Variants in PFKFB4 observed in about 807,000 individuals in gnomAD.
PFKFB4 encodes the protein 6-phosphofructo-2-kinase/fructose-2,6-biphosphatase 4.
PFKFB4 carries 42 observed loss-of-function variants against 62.8 expected under a neutral mutation model. The ratio of observed to expected loss-of-function variants is 0.67; its 90% CI spans 0.52 to 0.86. The LOEUF (loss-of-function observed/expected upper bound fraction) is 0.86, where lower values mean the gene tolerates loss of function less well. PFKFB4 is among the 40% of genes least tolerant of loss of function. The probability of loss-of-function intolerance (pLI) is 0.00; values close to 1 mark genes in which losing one functional copy is unlikely to be tolerated. For missense variants in PFKFB4, 475 were observed against 627.2 expected, an observed-to-expected ratio of 0.76 and a Z score of 2.59; for synonymous variants, 204 against 240.7, an observed-to-expected ratio of 0.85 and a Z score of 1.41.
Position 48,521,029 on chromosome 3 carries a change from C to A in PFKFB4, c.1350+957G>T, listed in dbSNP as rs1418134520. 6.6e-6 allele frequency among the ~76,000 whole-genome samples: 1 copy of A among 152,184 alleles called. No individual in the cohort carries two copies. The highest frequency in any genetic ancestry group is 1.5e-5 in the Non-Finnish European group (1 of 68,038). On this transcript the variant is annotated intron_variant, in intron 13 of 13. Transcript: ENST00000232375. This position sits in a 1 kb window ranked among gnomAD's most constrained non-coding sequence, Gnocchi z 5.3. ...CTTGGCCAAGACATGCACGAACTAT[C>A]AGAGCAATGGGAAGAGAGGCCTGCA...
At chr3:48,553,992 G>A (rs955575422) in intron 1 of PFKFB4, among the ~76,000 whole-genome samples, 4 of 152,140 alleles carry the variant, frequency 2.6e-5, no homozygotes, top group Non-Finnish European at 5.9e-5. Context: ...GGAGGCCAAT[G>A]ATGGGAAAGG....
At chr3:48,526,899 C>T (rs2042278591) in intron 9 of PFKFB4, among the ~76,000 whole-genome samples, 1 of 151,516 alleles carries the variant, frequency 6.6e-6, no homozygotes, top group Non-Finnish European at 1.5e-5. Context: ...TGAGATCATG[C>T]CACTGCACTC....
At chr3:48,538,297 A>G (rs2042689142) in intron 7 of PFKFB4, among the ~76,000 whole-genome samples, 1 of 152,208 alleles carries the variant, frequency 6.6e-6, no homozygotes, top group African/African-American at 2.4e-5. Context: ...CCTGACTCGC[A>G]GAGTTTTGGA....
In PFKFB4 at chr3:48,523,848, G is replaced by A. The variant is rs1489217947; in HGVS notation, c.1093-18C>T. The stretch of plus-strand genomic sequence containing the variant: ...TCGTAGGACTGCAAGGGCAAGCAGA[G>A]AGGGGTCCCTCAGGCCTGGCTCCGG... On this transcript the variant is annotated intron_variant, in intron 10 of 13. Transcript: ENST00000232375. 6.2e-7 allele frequency: 1 copy of A among 1,611,296 alleles called. No homozygotes were observed. Among genetic ancestry groups the A allele is most frequent in the Non-Finnish European group, 8.5e-7 (1 of 1,178,340 alleles).
At chr3:48,553,613 C>T (rs1372191921) in intron 1 of PFKFB4, among the ~76,000 whole-genome samples, 1 of 152,232 alleles carries the variant, frequency 6.6e-6, no homozygotes, top group Non-Finnish European at 1.5e-5. Flanking sequence ...CGAAGGGGCC[C>T]AAGGGGCCTG....
intron 4 of PFKFB4, among the ~76,000 whole-genome samples, chr3:48,540,519 C>A (rs1257112629): frequency 6.6e-6 from 1 of 152,206 alleles, no homozygotes; most frequent in Non-Finnish European, 1.5e-5. Context: ...GTACCTGGGG[C>A]CTGCACAAGC....
intron 3 of PFKFB4, among the ~76,000 whole-genome samples, chr3:48,546,678 T>C (rs533539784): frequency 6.6e-6 from 1 of 152,336 alleles, no homozygotes; most frequent in South Asian, 2.1e-4. Context: ...TCTAGTGATA[T>C]GAAACTTTCC....
rs773901183 is a variant in PFKFB4, at chr3:48,525,601, G to A, written c.1056C>T (p.Asp352=). ...GGTACCGGTACCGGTACTTGTCCTGGTCCCGCAGGGCGAACTCCAGTGGAT... is the reference window on the plus strand; with the variant it reads ...GGTACCGGTACCGGTACTTGTCCTGATCCCGCAGGGCGAACTCCAGTGGAT... ...DNYPLEFALR[D]QDKYRYRYPK... is the part of the protein sequence containing the mutation. The change falls in exon 10 of 14, where the codon GAC becomes GAT. Residue 352 remains aspartate (D), a synonymous_variant. Transcript: ENST00000232375. 3 of 1,607,078 alleles carry A rather than the reference G, an allele frequency of 1.9e-6. No individual in the cohort carries two copies.
At position 48,517,874 on chromosome 3, in the gene PFKFB4, C is replaced by CGG. The variant is rs984504624; in HGVS notation, c.*1871_*1872dup. The CGG allele has an allele frequency of 7.2e-5, 11 of 152,606 alleles. No homozygotes were observed. The highest frequency in any genetic ancestry group is 3.3e-4 in the Admixed American group (5 of 15,286). The allele number at this position is 152,606 out of a possible 1,614,324, so 9.5% of individuals were successfully genotyped here. A position where few individuals can be genotyped will look rare whatever the true frequency, so the allele number is the denominator to read the frequency against. On this transcript the variant is annotated 3_prime_UTR_variant, in exon 14 of 14. Transcript: ENST00000232375. ...GCGGAGACCATGCCAGGGCAGAGGC[C>CGG]GGGGGGTTGCCCCCACTCATGCCCT...
At chr3:48,543,532 T>C in intron 4 of PFKFB4, 48 bp downstream of exon 4, 4 of 1,511,484 alleles carry the variant, frequency 2.6e-6, no homozygotes, top group Non-Finnish European at 3.6e-6. Flanking sequence ...CAGATGTGGA[T>C]GGGCTCCCAT....
intron 2 of PFKFB4, 78 bp from the exon 3 acceptor site, chr3:48,550,038 A>T (rs776537502): frequency 6.8e-5 from 96 of 1,415,994 alleles, no homozygotes; most frequent in Middle Eastern, 3.5e-4. Flanking sequence ...CCCCAGGCCA[A>T]ATAATAGAGA....
chr3:48,534,015 A>G (rs1466171967), intron 9 of PFKFB4, among the ~76,000 whole-genome samples: 1 of 152,216 alleles, frequency 6.6e-6, no homozygotes, highest in East Asian at 1.9e-4. Flanking sequence ...CATAATGAAG[A>G]AATAATGGAA....
chr3:48,538,078 A>G (rs2042681490), intron 7 of PFKFB4, among the ~76,000 whole-genome samples: 1 of 152,186 alleles, frequency 6.6e-6, no homozygotes, highest in South Asian at 2.1e-4. Flanking sequence ...TTTTACTGGA[A>G]CACAGCTATG....
rs371779160 is a variant in PFKFB4 at position 48,554,789 on chromosome 3, T to C, written c.97+1892A>G. On this transcript the variant is annotated intron_variant, in intron 1 of 13. Coordinates refer to ENST00000232375, the MANE Select transcript of PFKFB4 (RefSeq NM_004567.4). The stretch of plus-strand genomic sequence containing the variant: ...AGACTTGGCTAGGCATGGCAGCTCA[T>C]GCCTGTAATCCCAACACTTTGGGAG... 1.1e-3 allele frequency among the ~76,000 whole-genome samples: 165 copies of C among 152,290 alleles called. 1 individual carries two copies. Among genetic ancestry groups the C allele is most frequent in the African/African-American group, 3.8e-3 (159 of 41,554 alleles).
At chr3:48,543,748 GC>G (rs901825258) in intron 3 of PFKFB4, 102 bp from the exon 4 acceptor site, 8 of 835,996 alleles carry the variant, frequency 9.6e-6, no homozygotes, top group Non-Finnish European at 1.4e-5. Context: ...AGAAGGAACA[GC>G]CCCGAGGTCT....
chr3:48,544,880 C>T (rs909775791), intron 3 of PFKFB4, among the ~76,000 whole-genome samples: 1 of 152,082 alleles, frequency 6.6e-6, no homozygotes, highest in Non-Finnish European at 1.5e-5. Flanking sequence ...CGTGCCACCA[C>T]ATCTGGCTAA....
intron 9 of PFKFB4, among the ~76,000 whole-genome samples, chr3:48,528,913 A>C (rs2042346273): frequency 6.6e-6 from 1 of 152,240 alleles, no homozygotes; most frequent in Non-Finnish European, 1.5e-5. Flanking sequence ...ATGGGAAGTG[A>C]CTGTTGATGG....
intron 4 of PFKFB4, among the ~76,000 whole-genome samples, chr3:48,542,320 C>T (rs1163260249): frequency 2.1e-5 from 3 of 141,818 alleles, no homozygotes; most frequent in African/African-American, 7.9e-5. Context: ...GGTGACAGAG[C>T]GAGACTCCAT....
intron 9 of PFKFB4, among the ~76,000 whole-genome samples, chr3:48,532,873 T>C (rs1247458497): frequency 3.9e-5 from 6 of 152,106 alleles, no homozygotes; most frequent in Admixed American, 3.9e-4. Context: ...TTGCACAAGC[T>C]ACAACATGGA....
Sources: gnomAD v4.1 joint callset for allele counts (sites outside exome capture counted in the v4.1 genomes callset) on GRCh38, gnomAD v4.1.1 for gene constraint, Gnocchi (gnomAD v3.1) non-coding constraint, MANE v1.5 for transcripts, NCBI Gene and HGNC (gene_info 2026-07-23, HGNC 2026-07-21) for gene names.